KCNH5: variants seen among roughly 807,000 people sequenced by gnomAD.
KCNH5 encodes voltage-gated delayed rectifier potassium channel KCNH5.
In KCNH5, 46 loss-of-function variants were observed where a neutral mutation model predicts 96.1. That is an observed-to-expected ratio of 0.48 (90% CI 0.38 to 0.61). The LOEUF is 0.61. KCNH5 is among the 20% of genes least tolerant of loss of function. The pLI is 0.00. For missense variants in KCNH5, 907 were observed against 1,225.8 expected (o/e 0.74, Z 3.88); for synonymous variants, 439 against 449.8 (o/e 0.98, Z 0.30).
At chr14:62,935,077 G>C (rs1889653612) in intron 7 of KCNH5, among the ~76,000 whole-genome samples, 1 of 152,156 alleles carries the variant, frequency 6.6e-6, no homozygotes, top group Admixed American at 6.6e-5. Context: ...AGGTGGAAAA[G>C]TGGGGGGATG....
intron 8 of KCNH5, among the ~76,000 whole-genome samples, chr14:62,844,100 A>AT (rs978836042): frequency 6.6e-6 from 1 of 152,100 alleles, no homozygotes; most frequent in Admixed American, 6.6e-5. Context: ...CTCCTACCTG[A>AT]TTTTTTTGTG....
intron 7 of KCNH5, among the ~76,000 whole-genome samples, chr14:62,875,002 A>G (rs1436518808): frequency 7.5e-6 from 1 of 132,948 alleles, no homozygotes; most frequent in Admixed American, 8.3e-5. Flanking sequence ...GTCTCAGGAT[A>G]CAAAATCAAT....
chr14:62,843,879 T>C (rs576434891), intron 8 of KCNH5, among the ~76,000 whole-genome samples: 106 of 152,296 alleles, frequency 7.0e-4, no homozygotes, highest in African/African-American at 2.5e-3. Flanking sequence ...CCATTTTTCA[T>C]ATCTAGTAAT....
At chr14:62,879,364 T>C (rs1262517965) in intron 7 of KCNH5, among the ~76,000 whole-genome samples, 1 of 152,158 alleles carries the variant, frequency 6.6e-6, no homozygotes, top group African/African-American at 2.4e-5. Context: ...GTGATTATAC[T>C]CTAATTATGT....
chr14:62,853,460 T>TATATATATATATATATATATATATA (rs1468892675), intron 7 of KCNH5, among the ~76,000 whole-genome samples: 5 of 89,572 alleles, frequency 5.6e-5, no homozygotes, highest in African/African-American at 2.0e-4. Context: ...AATAATCATA[T>TATATATATATATATATATATATATA]ATATATATAT....
At chr14:62,882,100 T>TAAAAAAA (rs143123435) in intron 7 of KCNH5, among the ~76,000 whole-genome samples, 6 of 76,658 alleles carry the variant, frequency 7.8e-5, no homozygotes, top group African/African-American at 2.4e-4. Flanking sequence ...CCCCATTTCT[T>TAAAAAAA]AAAAAAAAAA....
At chr14:63,040,891 T>C (rs1362057469) in intron 1 of KCNH5, among the ~76,000 whole-genome samples, 5 of 152,100 alleles carry the variant, frequency 3.3e-5, no homozygotes, top group African/African-American at 1.2e-4. Context: ...TTTCTTCTCT[T>C]GAAAGGTAAG....
At chr14:62,975,996 C>T (rs927261848) in intron 6 of KCNH5, among the ~76,000 whole-genome samples, 4 of 149,804 alleles carry the variant, frequency 2.7e-5, no homozygotes, top group African/African-American at 7.4e-5. Context: ...AGACCTTAAG[C>T]AAGAAAAGCA....
chr14:62,949,110 T>C (rs567908888), intron 7 of KCNH5, among the ~76,000 whole-genome samples: 43 of 152,152 alleles, frequency 2.8e-4, no homozygotes, highest in African/African-American at 9.4e-4. Context: ...AAGACAAGGA[T>C]GCCCTCTCTC....
intron 7 of KCNH5, among the ~76,000 whole-genome samples, chr14:62,877,624 G>C (rs1236745006): frequency 1.3e-5 from 2 of 152,144 alleles, no homozygotes; most frequent in African/African-American, 4.8e-5. Flanking sequence ...TCAGAGAAAT[G>C]CAAATCAAAA....
intron 9 of KCNH5, among the ~76,000 whole-genome samples, chr14:62,780,738 GAA>G (rs1886193380): frequency 2.0e-5 from 3 of 152,124 alleles, no homozygotes; most frequent in Non-Finnish European, 4.4e-5. Flanking sequence ...AAAAGAACGA[GAA>G]AGAGTCTAAG....
At chr14:62,876,732 T>A (rs556468963) in intron 7 of KCNH5, among the ~76,000 whole-genome samples, 3 of 152,196 alleles carry the variant, frequency 2.0e-5, no homozygotes, top group Admixed American at 6.5e-5. Flanking sequence ...AGGGTAAATA[T>A]GTAATCAGTG....
chr14:62,734,597 C>G (rs1251026723), intron 10 of KCNH5, among the ~76,000 whole-genome samples: 1 of 152,120 alleles, frequency 6.6e-6, no homozygotes, highest in East Asian at 1.9e-4. Flanking sequence ...CCCACATACA[C>G]TAGCATTATG....
At chr14:62,763,150 C>T (rs954054310) in intron 10 of KCNH5, among the ~76,000 whole-genome samples, 3 of 152,150 alleles carry the variant, frequency 2.0e-5, no homozygotes, top group African/African-American at 7.2e-5. Context: ...GGCCATGAAA[C>T]AATTCTCAAC....
chr14:62,882,757 G>A (rs536521733), intron 7 of KCNH5, among the ~76,000 whole-genome samples: 1 of 152,232 alleles, frequency 6.6e-6, no homozygotes, highest in East Asian at 1.9e-4. Flanking sequence ...TTTAATTGAG[G>A]AACATAACTC....
chr14:63,014,530 T>C (rs2139605220), intron 2 of KCNH5, among the ~76,000 whole-genome samples: 1 of 152,196 alleles, frequency 6.6e-6, no homozygotes, highest in South Asian at 2.1e-4. Context: ...AAAATTGTAC[T>C]TGCCAAAGAA....
In KCNH5 at chr14:62,710,662, A is replaced by G. The variant is rs574197885; in HGVS notation, c.2020-2207T>C. 4.9e-4 allele frequency among the ~76,000 whole-genome samples: 74 copies of G among 152,206 alleles called. 2 individuals are homozygous for G. The highest frequency in any genetic ancestry group is 4.8e-3 in the Admixed American group (74 of 15,296). On this transcript the variant is annotated intron_variant, in intron 10 of 10. Coordinates refer to ENST00000322893, the MANE Select transcript of KCNH5 (RefSeq NM_139318.5). ...TTTTTTTAAGGTGGTTGTTTAGCCT[A>G]GGATAGACATAGTGTTGGCTCGATG...
chr14:62,846,433 T>C (rs1369736096), intron 8 of KCNH5, among the ~76,000 whole-genome samples: 3 of 152,166 alleles, frequency 2.0e-5, no homozygotes, highest in Non-Finnish European at 2.9e-5. Flanking sequence ...TACCTTGTTA[T>C]ATATTCCATT....
intron 4 of KCNH5, among the ~76,000 whole-genome samples, chr14:62,991,893 T>A (rs369863498): frequency 1.3e-5 from 2 of 152,056 alleles, no homozygotes; most frequent in South Asian, 2.1e-4. Flanking sequence ...GTATCAATTG[T>A]ATAATGGTCA....
Sources: allele counts gnomAD v4.1 joint callset (sites outside exome capture counted in the v4.1 genomes callset), GRCh38; gene constraint gnomAD v4.1.1; transcripts MANE v1.5; gene names NCBI Gene and HGNC (gene_info 2026-07-23, HGNC 2026-07-21).